The following PKIB variants were observed in gnomAD, a reference collection of about 807,000 sequenced individuals.
PKIB encodes PKI-beta.
A neutral mutation model predicts 4.5 loss-of-function variants in PKIB; 2 were observed. The ratio of observed to expected loss-of-function variants is 0.44; its 90% CI spans 0.18 to 1.39. The LOEUF is 1.39. Ranked by LOEUF, PKIB falls within the 40% of genes most tolerant of loss-of-function variation. The pLI is 0.27. For synonymous variants in PKIB, 38 were observed against 36.0 expected, an observed-to-expected ratio of 1.06 and a Z score of -0.20; for missense variants, 94 against 92.6, an observed-to-expected ratio of 1.02 and a Z score of -0.06.
chr6:122,722,801 CA>C (rs1458216778), intron 4 of PKIB, among the ~76,000 whole-genome samples: 1 of 152,184 alleles, frequency 6.6e-6, no homozygotes, highest in Non-Finnish European at 1.5e-5. Flanking sequence ...TGTTTTGTAA[CA>C]AAACTCCTTG....
intron 2 of PKIB, among the ~76,000 whole-genome samples, chr6:122,508,923 G>A (rs1776504414): frequency 1.3e-5 from 2 of 151,922 alleles, no homozygotes; most frequent in South Asian, 4.2e-4. Flanking sequence ...GCTAATTTTT[G>A]TATTTTTAGT....
intron 3 of PKIB, among the ~76,000 whole-genome samples, chr6:122,696,495 A>G (rs892028168): frequency 2.0e-5 from 3 of 152,214 alleles, no homozygotes; most frequent in Admixed American, 2.0e-4. Context: ...AAATTTGGGT[A>G]TCAAAAAGAA....
intron 2 of PKIB, among the ~76,000 whole-genome samples, chr6:122,563,273 G>T (rs1365609239): frequency 6.6e-6 from 1 of 152,116 alleles, no homozygotes; most frequent in Non-Finnish European, 1.5e-5. Context: ...CTGGCTCTGG[G>T]CTAGTACTGG....
intron 1 of PKIB, among the ~76,000 whole-genome samples, chr6:122,613,907 G>A (rs1438883870): frequency 7.0e-6 from 1 of 143,682 alleles, no homozygotes; most frequent in Non-Finnish European, 1.5e-5. Flanking sequence ...AGGTTGCAGT[G>A]AGCTGAGATG....
At chr6:122,534,147 T>TTATATATAA (rs1325637165) in intron 2 of PKIB, among the ~76,000 whole-genome samples, 1 of 148,434 alleles carries the variant, frequency 6.7e-6, no homozygotes, top group African/African-American at 2.4e-5. Flanking sequence ...ATTATATTTT[T>TTATATATAA]TATATATAAT....
chr6:122,717,969 A>C lies in PKIB; in HGVS notation c.169+6A>C. On this transcript the variant is annotated splice_donor_region_variant and intron_variant, in intron 4 of 4. Coordinates refer to ENST00000368452, the MANE Select transcript of PKIB (RefSeq NM_181795.3). ...GGCTCTCTCCGTGAAGGAAGGTAAT[A>C]CTCAAAATCCTCTTACAATTAACAG... 1 of 1,609,930 alleles carries C rather than the reference A, an allele frequency of 6.2e-7. No individual in the cohort carries two copies. Among genetic ancestry groups the C allele is most frequent in the Non-Finnish European group, 8.5e-7 (1 of 1,176,860 alleles).
intron 2 of PKIB, among the ~76,000 whole-genome samples, chr6:122,541,600 C>T (rs1777605823): frequency 2.0e-5 from 3 of 151,972 alleles, no homozygotes; most frequent in Admixed American, 2.0e-4. Flanking sequence ...ACCTTTCTCT[C>T]TGGCTGCCCT....
At chr6:122,480,767 GTTAAAT>G (rs1383192285) in intron 2 of PKIB, 6 of 151,930 alleles carry the variant, frequency 3.9e-5, no homozygotes, top group Non-Finnish European at 4.4e-5. Context: ...ATACTTTTCT[GTTAAAT>G]TTAAAGGTTA....
In PKIB at chr6:122,582,389, G is replaced by A. The variant is rs578205177; in HGVS notation, c.-247-3532G>A. On this transcript the variant is annotated intron_variant, in intron 2 of 6. Coordinates refer to the PKIB transcript ENST00000392491. ...TAACAACCCATCCAGTTGTTGGCTC[G>A]TGGCTTTCATCCAGATGAGAATGAT... Among the ~76,000 whole-genome samples the A allele has an allele frequency of 3.9e-5, 6 of 152,120 alleles. 1 individual carries two copies. Among genetic ancestry groups the A allele is most frequent in the South Asian group, 4.1e-4 (2 of 4,826 alleles).
Position 122,671,766 on chromosome 6 carries a change from G to T in PKIB, c.-75-3312G>T, listed in dbSNP as rs553826630. Among the ~76,000 whole-genome samples the T allele has an allele frequency of 5.5e-4, 83 of 152,168 alleles. 1 individual carries two copies. The highest frequency in any genetic ancestry group is 2.0e-3 in the African/African-American group (82 of 41,526). On this transcript the variant is annotated intron_variant, in intron 2 of 4. Transcript: ENST00000368452. ...ATGGCATTTACATGTTATTTATCTT[G>T]ATTTCTGAGCTTTTGGGCACCCCCT...
intron 3 of PKIB, among the ~76,000 whole-genome samples, chr6:122,593,574 T>C (rs1774079516): frequency 6.6e-6 from 1 of 152,220 alleles, no homozygotes; most frequent in Non-Finnish European, 1.5e-5. Context: ...TGTTCCCTTG[T>C]TGATAATGAA....
chr6:122,576,703 T>TATAG (rs1381707713), intron 2 of PKIB, among the ~76,000 whole-genome samples: 1 of 113,528 alleles, frequency 8.8e-6, no homozygotes, highest in Non-Finnish European at 1.8e-5. Context: ...TATATATATA[T>TATAG]ATATATATTT....
At chr6:122,592,833 T>C (rs907478101) in intron 3 of PKIB, among the ~76,000 whole-genome samples, 7 of 152,186 alleles carry the variant, frequency 4.6e-5, no homozygotes, top group Non-Finnish European at 8.8e-5. Context: ...AGTGATCTTG[T>C]GAAATGCAGA....
chr6:122,718,197 C>CA (rs1779578920), intron 4 of PKIB, among the ~76,000 whole-genome samples: 1 of 152,146 alleles, frequency 6.6e-6, no homozygotes, highest in Non-Finnish European at 1.5e-5. Flanking sequence ...TTATTCATTG[C>CA]ATGTGTATAG....
chr6:122,602,101 A>G (rs1182183858), intron 3 of PKIB, among the ~76,000 whole-genome samples: 1 of 152,036 alleles, frequency 6.6e-6, no homozygotes, highest in Non-Finnish European at 1.5e-5. Flanking sequence ...TTGTAAAGGA[A>G]GATATTTACT....
intron 2 of PKIB, among the ~76,000 whole-genome samples, chr6:122,495,396 C>A (rs554043086): frequency 2.3e-4 from 35 of 152,274 alleles, no homozygotes; most frequent in African/African-American, 7.5e-4. Flanking sequence ...GCCCAACCCC[C>A]ACAGGCCTGT....
At chr6:122,644,421 G>A (rs1203030158) in intron 2 of PKIB, 1 of 152,076 alleles carries the variant, frequency 6.6e-6, no homozygotes, top group African/African-American at 2.4e-5. Flanking sequence ...CAAAGTGCAG[G>A]GGATCAAACC....
intron 2 of PKIB, among the ~76,000 whole-genome samples, chr6:122,521,551 G>A (rs1776948076): frequency 6.6e-6 from 1 of 151,792 alleles, no homozygotes; most frequent in Admixed American, 6.6e-5. Context: ...GTGGTGGTGG[G>A]CGCCTGTAGT....
chr6:122,576,689 A>AATATATATATATATAT (rs1334771841), intron 2 of PKIB, among the ~76,000 whole-genome samples: 3 of 34,312 alleles, frequency 8.7e-5, no homozygotes, highest in African/African-American at 1.3e-4. Flanking sequence ...AAAAAAAAAA[A>AATATATATATATATAT]ATATATATAT....
Sources: gnomAD v4.1 joint callset for allele counts (sites outside exome capture counted in the v4.1 genomes callset) on GRCh38, gnomAD v4.1.1 for gene constraint, MANE v1.5 for transcripts, NCBI Gene and HGNC (gene_info 2026-07-23, HGNC 2026-07-21) for gene names.